Variants in MMP13 observed in about 807,000 individuals in gnomAD.
MMP13 encodes collagenase 3.
A neutral mutation model predicts 52.1 loss-of-function variants in MMP13; 45 were observed. The observed-to-expected ratio is 0.86, with a 90% CI of 0.68 to 1.11. The LOEUF is 1.11. Among genes scored for constraint, MMP13 ranks in the 50% least tolerant of loss-of-function variants. The pLI is 0.00. For synonymous variants in MMP13, 200 were observed against 204.4 expected (o/e 0.98, Z 0.18); for missense variants, 576 against 583.8 (o/e 0.99, Z 0.14).
rs1860666171 is a variant in MMP13 at position 102,954,536 on chromosome 11, A to T, written c.433T>A (p.Trp145Arg). The T allele has an allele frequency of 1.2e-6, 2 of 1,613,632 alleles. No individual in the cohort carries two copies. Among genetic ancestry groups the T allele is most frequent in the Non-Finnish European group, 1.7e-6 (2 of 1,179,752 alleles). Residue 145 changes from tryptophan to arginine, a missense_variant, in exon 3 of 10, where the codon TGG (tryptophan) becomes AGG (arginine). Transcript: ENST00000260302. ...AAATTCAGAGGAGTTACATCGGACC[A>T]AACTTTGAAGGCTTTTTTGAATGCC... ...EKAFKKAFKVWSDVTPLNFTR... is the reference protein window; with the variant it reads ...EKAFKKAFKVRSDVTPLNFTR...
rs1475442392 is a variant in MMP13 at position 102,952,092 on chromosome 11, A to G, written c.719T>C (p.Met240Thr). ...LDHSKDPGAL[M>T]FPIYTYTGKS... ...GCCGGTGTAGGTGTAGATAGGAAAC[A>G]TGAGTGCTCCAGGGTCCTTGGAGTG... The change falls in exon 5 of 10, where the codon ATG (methionine) becomes ACG (threonine). Residue 240 changes from methionine to threonine, a missense_variant. Transcript: ENST00000260302. The surrounding 1 kb of genome is among the most constrained non-coding windows in gnomAD (Gnocchi z 4.3). 1 of 1,613,422 alleles carries G rather than the reference A, an allele frequency of 6.2e-7. No homozygotes were observed. Among genetic ancestry groups the G allele is most frequent in the Non-Finnish European group, 8.5e-7 (1 of 1,179,498 alleles).
At chr11:102,948,126 G>T in intron 7 of MMP13, 76 bp from the exon 8 acceptor site, 1 of 1,183,946 alleles carries the variant, frequency 8.4e-7, no homozygotes, top group Non-Finnish European at 1.2e-6. Context: ...TGTGCTTAAA[G>T]ACAGGCCCAC....
In MMP13 at chr11:102,949,214, TCCTGCTAGTCA is replaced by T; in HGVS notation, c.918-67_918-57del. On this transcript the variant is annotated intron_variant, in intron 6 of 9. Coordinates refer to ENST00000260302, the MANE Select transcript of MMP13 (RefSeq NM_002427.4). This position sits in a 1 kb window ranked among gnomAD's most constrained non-coding sequence, Gnocchi z 4.2. Reference sequence around the variant, plus strand: ...CACATTTTTAAATGCAATATTTCTATCCTGCTAGTCACCTCTCTCCACATCAACACAGACAA... The same window carrying T: ...CACATTTTTAAATGCAATATTTCTATCCTCTCTCCACATCAACACAGACAA... The T allele has an allele frequency of 1.3e-6, 2 of 1,593,470 alleles. No homozygotes were observed. Among genetic ancestry groups the T allele is most frequent in the Non-Finnish European group, 1.7e-6 (2 of 1,170,432 alleles).
In MMP13 at chr11:102,955,283, G is replaced by C. The variant is rs1487133696; in HGVS notation, c.331C>G (p.Leu111Val). The C allele has an allele frequency of 6.2e-7, 1 of 1,613,914 alleles. No homozygotes were observed. The highest frequency in any genetic ancestry group is 1.7e-5 in the Admixed American group (1 of 59,986). Residue 111 changes from leucine to valine, a missense_variant, in exon 2 of 10, where the codon CTT becomes GTT. Coordinates refer to ENST00000260302, the MANE Select transcript of MMP13 (RefSeq NM_002427.4). The surrounding 1 kb of genome is among the most constrained non-coding windows in gnomAD (Gnocchi z 4.9). ...GTTAAATTCATTTTGGACCATTTAAGAGTTCGAGGGAAAACATTGTATTCA... is the reference window on the plus strand; with the variant it reads ...GTTAAATTCATTTTGGACCATTTAACAGTTCGAGGGAAAACATTGTATTCA... ...VGEYNVFPRT[L>V]KWSKMNLTYR...
rs61737008 is a variant in MMP13 at position 102,948,022 on chromosome 11, A to G, written c.1080T>C (p.Tyr360=). The G allele has an allele frequency of 1.6e-3, 2,548 of 1,613,770 alleles. 46 individuals carry two copies. In the African/African-American group the frequency reaches 0.031, roughly 19 times the overall value. ...RGRKFWALNG[Y]DILEGYPKKI... ...TTTTGGGATAACCTTCCAGAATGTC[A>G]TAACCATTAAGAGCCCAAAATTTTC... The change falls in exon 8 of 10, where the codon TAT becomes TAC. Residue 360 remains tyrosine, a synonymous_variant. Coordinates refer to ENST00000260302, the MANE Select transcript of MMP13 (RefSeq NM_002427.4).
intron 9 of MMP13, 99 bp from the exon 10 acceptor site, chr11:102,944,465 G>T (rs975355482): frequency 2.3e-6 from 2 of 862,282 alleles, no homozygotes; most frequent in South Asian, 1.5e-5. Flanking sequence ...CCATTTGTAG[G>T]AATTTCAAAC....
chr11:102,954,359 A>G, intron 3 of MMP13, 78 bp from the exon 4 acceptor site: 1 of 1,605,456 alleles, frequency 6.2e-7, no homozygotes, highest in East Asian at 2.2e-5. Flanking sequence ...ATTAGTGTTG[A>G]ATTCTTTAAA....
At chr11:102,944,555 T>G (rs1268352982) in intron 9 of MMP13, among the ~76,000 whole-genome samples, 189 bp from the exon 10 acceptor site, 1 of 151,986 alleles carries the variant, frequency 6.6e-6, no homozygotes, top group African/African-American at 2.4e-5. Flanking sequence ...ATTTTTTAGT[T>G]GTTCTTTTAA....
At position 102,954,591 on chromosome 11, in the gene MMP13, G is replaced by T. The variant is rs1397211561; in HGVS notation, c.378C>A (p.Thr126=). 1 of 1,613,256 alleles carries T rather than the reference G, an allele frequency of 6.2e-7. No individual in the cohort carries two copies. Among genetic ancestry groups the T allele is most frequent in the Non-Finnish European group, 8.5e-7 (1 of 1,179,540 alleles). Reference sequence around the variant, plus strand: ...CGACTTCAGAATGAGTCATATCAGGGGTGTAATTCACAATTCTATTTAACA... The same window carrying T: ...CGACTTCAGAATGAGTCATATCAGGTGTGTAATTCACAATTCTATTTAACA... ...MNLTYRIVNY[T]PDMTHSEVEK... The change falls in exon 3 of 10, where the codon ACC becomes ACA. Residue 126 remains threonine (T), a synonymous_variant. Transcript: ENST00000260302.
chr11:102,955,347 A>G lies in MMP13; in HGVS notation c.267T>C (p.Asp89=). 6.2e-7 allele frequency: 1 copy of G among 1,614,048 alleles called. No individual in the cohort carries two copies. The change falls in exon 2 of 10, where the codon GAT becomes GAC. Residue 89 remains aspartate (D), a synonymous_variant. Coordinates refer to ENST00000260302, the MANE Select transcript of MMP13 (RefSeq NM_002427.4). This position sits in a 1 kb window ranked among gnomAD's most constrained non-coding sequence, Gnocchi z 4.9. ...VTGKLDDNTL[D]VMKKPRCGVP... The stretch of plus-strand genomic sequence containing the variant: ...CCCCGCATCTTGGCTTTTTCATGAC[A>G]TCTAAGGTGTTATCGTCAAGTTTGC...
At chr11:102,951,884 C>A (rs528094014) in intron 5 of MMP13, 128 bp downstream of exon 5, 41 of 929,152 alleles carry the variant, frequency 4.4e-5, no homozygotes, top group Admixed American at 1.1e-4. Context: ...TATTATGAAA[C>A]CTTTGTCATG....
At chr11:102,948,589 G>A (rs1385827144) in intron 7 of MMP13, among the ~76,000 whole-genome samples, 2 of 152,030 alleles carry the variant, frequency 1.3e-5, no homozygotes, top group Non-Finnish European at 2.9e-5. Context: ...GAAAGCAGTA[G>A]AATATAAAAA....
At position 102,955,189 on chromosome 11, in the gene MMP13, T is replaced by G; in HGVS notation, c.362+63A>C. 1.3e-6 allele frequency: 2 copies of G among 1,576,434 alleles called. No homozygotes were observed. Among genetic ancestry groups the G allele is most frequent in the Non-Finnish European group, 1.7e-6 (2 of 1,151,838 alleles). On this transcript the variant is annotated intron_variant, in intron 2 of 9. Transcript: ENST00000260302. The surrounding 1 kb of genome is among the most constrained non-coding windows in gnomAD (Gnocchi z 4.9). ...ATTAAATAATAAGGCCTACTTAATA[T>G]TAGACATTTAATACTACAAGAAAAG...
chr11:102,947,667 T>TGTGTG (rs1555016798), intron 8 of MMP13, among the ~76,000 whole-genome samples: 3 of 144,810 alleles, frequency 2.1e-5, no homozygotes, highest in Non-Finnish European at 4.5e-5. Context: ...TGTTTGAGTA[T>TGTGTG]TGTGTGTGTG....
chr11:102,950,187 C>T lies in MMP13; in HGVS notation c.840G>A (p.Thr280=), dbSNP rs782436272. The T allele has an allele frequency of 1.1e-5, 17 of 1,613,654 alleles. No homozygotes were observed. The highest frequency in any genetic ancestry group is 2.7e-5 in the African/African-American group (2 of 74,878). ...ATAAGGAAGGGTCACATTTGTCTGG[C>T]GTTTTTGGATGTTTAGGGTTGGGGT... is the stretch of plus-strand genomic sequence containing the variant. ...DEDPNPKHPK[T]PDKCDPSLSL... is the part of the protein sequence containing the mutation. The change falls in exon 6 of 10, where the codon ACG becomes ACA. Residue 280 remains threonine (T), a synonymous_variant. Transcript: ENST00000260302.
chr11:102,944,418 T>G, intron 9 of MMP13, 52 bp from the exon 10 acceptor site: 1 of 1,269,024 alleles, frequency 7.9e-7, no homozygotes. Flanking sequence ...AATAAGGTTT[T>G]AATCCAGTTA....
intron 7 of MMP13, among the ~76,000 whole-genome samples, chr11:102,948,742 C>T (rs1412892136): frequency 2.6e-5 from 4 of 152,036 alleles, no homozygotes; most frequent in African/African-American, 9.6e-5. Context: ...ATAATGTTTT[C>T]TCAATAAACA....
intron 9 of MMP13, among the ~76,000 whole-genome samples, 164 bp from the exon 10 acceptor site, chr11:102,944,530 T>A (rs1484509534): frequency 1.3e-5 from 2 of 152,126 alleles, no homozygotes; most frequent in East Asian, 3.9e-4. Flanking sequence ...TTAAATTTTT[T>A]ATTTTTTTAT....
At chr11:102,945,039 TTCA>T (rs1414851497) in intron 9 of MMP13, 1 of 228,238 alleles carries the variant, frequency 4.4e-6, no homozygotes, top group African/African-American at 2.4e-5. Context: ...AGGCCAGGAG[TTCA>T]AGACCAGCCT....
Sources: allele counts gnomAD v4.1 joint callset (sites outside exome capture counted in the v4.1 genomes callset), GRCh38; gene constraint gnomAD v4.1.1; non-coding constraint Gnocchi (gnomAD v3.1); transcripts MANE v1.5; gene names NCBI Gene and HGNC (gene_info 2026-07-23, HGNC 2026-07-21).